The following CWC27 variants were observed in gnomAD, a reference collection of about 807,000 sequenced individuals.
CWC27 encodes spliceosome-associated protein CWC27 homolog.
In CWC27, 47 loss-of-function variants were observed where a neutral mutation model predicts 63.6. The observed-to-expected ratio is 0.74, with a 90% CI of 0.58 to 0.94. CWC27 has a LOEUF of 0.94. Among genes scored for constraint, CWC27 ranks in the 40% least tolerant of loss-of-function variants. The probability of loss-of-function intolerance (pLI) is 0.00; values close to 1 mark genes in which losing one functional copy is unlikely to be tolerated. For missense variants in CWC27, 495 were observed against 554.3 expected, an observed-to-expected ratio of 0.89 and a Z score of 1.07; for synonymous variants, 175 against 179.8, an observed-to-expected ratio of 0.97 and a Z score of 0.22.
intron 13 of CWC27, among the ~76,000 whole-genome samples, chr5:64,998,366 G>T (rs191829765): frequency 8.5e-5 from 13 of 152,176 alleles, no homozygotes; most frequent in African/African-American, 2.6e-4. Flanking sequence ...GCAGGTGTAA[G>T]AATGCATATT....
At chr5:64,816,885 G>A (rs1452258654) in intron 10 of CWC27, among the ~76,000 whole-genome samples, 2 of 151,952 alleles carry the variant, frequency 1.3e-5, no homozygotes, top group African/African-American at 4.8e-5. Flanking sequence ...ATATCACTTT[G>A]CAACACCCAG....
At chr5:64,918,409 G>A (rs1437780934) in intron 11 of CWC27, among the ~76,000 whole-genome samples, 1 of 152,146 alleles carries the variant, frequency 6.6e-6, no homozygotes, top group African/African-American at 2.4e-5. Context: ...ATTGCTGAGA[G>A]TAGGTTTTAA....
chr5:64,878,883 A>C (rs1455098442), intron 10 of CWC27, among the ~76,000 whole-genome samples: 10 of 151,950 alleles, frequency 6.6e-5, no homozygotes, highest in Admixed American at 4.6e-4. Context: ...AGAGAGACTT[A>C]ATTACTTAAG....
chr5:64,920,664 T>C (rs1443253663), intron 11 of CWC27, among the ~76,000 whole-genome samples: 1 of 152,208 alleles, frequency 6.6e-6, no homozygotes, highest in African/African-American at 2.4e-5. Flanking sequence ...CTTTTAGTTT[T>C]TTCCTGATCA....
chr5:64,925,047 A>G (rs187218675), intron 11 of CWC27, among the ~76,000 whole-genome samples: 3 of 152,278 alleles, frequency 2.0e-5, no homozygotes, highest in African/African-American at 7.2e-5. Flanking sequence ...GTCATCTAAT[A>G]TGAGTTAAAG....
chr5:64,783,396 G>A (rs1029577333), intron 3 of CWC27, among the ~76,000 whole-genome samples: 7 of 152,122 alleles, frequency 4.6e-5, no homozygotes, highest in African/African-American at 1.7e-4. Context: ...TAGATTATTT[G>A]AATTAAAAAA....
chr5:64,794,749 A>G (rs1744204010), intron 7 of CWC27, among the ~76,000 whole-genome samples: 1 of 152,148 alleles, frequency 6.6e-6, no homozygotes, highest in East Asian at 1.9e-4. Flanking sequence ...CTCCCTTCAT[A>G]TTGCTTTCTT....
intron 11 of CWC27, among the ~76,000 whole-genome samples, chr5:64,898,395 G>A (rs922020827): frequency 3.3e-5 from 5 of 152,120 alleles, no homozygotes; most frequent in African/African-American, 1.2e-4. Context: ...GCAGAAATCA[G>A]TAAAATAGAA....
At position 64,851,136 on chromosome 5, in the gene CWC27, G is replaced by T. The variant is rs79019910; in HGVS notation, c.939-34307G>T. On this transcript the variant is annotated intron_variant, in intron 10 of 13. Coordinates refer to ENST00000381070, the MANE Select transcript of CWC27 (RefSeq NM_005869.4). ...GCACTATTCACAGTCGCCAAGTTAC[G>T]GACTCAACTTAAGTGTCCATAAACA... Among the ~76,000 whole-genome samples the T allele has an allele frequency of 2.0e-5, 3 of 152,082 alleles. No homozygotes were observed. In the East Asian group the frequency reaches 5.8e-4, roughly 29 times the overall value.
In CWC27 at chr5:64,779,058, C is replaced by A. The variant is rs1053911574; in HGVS notation, c.140-2863C>A. Among the ~76,000 whole-genome samples the A allele has an allele frequency of 2.0e-5, 3 of 152,132 alleles. No individual in the cohort carries two copies. The South Asian group carries it at 6.2e-4, about 31-fold the overall frequency. ...GGAACTTTATAAATTATGTCAGTAA[C>A]TGTATCAGTAAAATGCCTGGCCCAC... is the stretch of plus-strand genomic sequence containing the variant. On this transcript the variant is annotated intron_variant, in intron 2 of 13. Transcript: ENST00000381070.
intron 13 of CWC27, among the ~76,000 whole-genome samples, chr5:64,995,873 T>C (rs1561183420): frequency 6.6e-6 from 1 of 152,294 alleles, no homozygotes; most frequent in East Asian, 1.9e-4. Context: ...TTACCACACC[T>C]GGAAAAAGCT....
intron 13 of CWC27, among the ~76,000 whole-genome samples, chr5:65,002,170 C>T (rs1164408505): frequency 6.6e-6 from 1 of 151,954 alleles, no homozygotes; most frequent in Non-Finnish European, 1.5e-5. Flanking sequence ...CTCCTTCTTT[C>T]TCATTTTATT....
chr5:64,999,034 TGAA>T (rs1275559317), intron 13 of CWC27, among the ~76,000 whole-genome samples: 1 of 151,998 alleles, frequency 6.6e-6, no homozygotes, highest in Non-Finnish European at 1.5e-5. Flanking sequence ...CTGCTAAACA[TGAA>T]GAGTTCCAGT....
At chr5:64,848,488 G>A (rs186937727) in intron 10 of CWC27, among the ~76,000 whole-genome samples, 2 of 152,230 alleles carry the variant, frequency 1.3e-5, no homozygotes, top group East Asian at 3.9e-4. Context: ...CCCTTTTTAT[G>A]AGTCCAGCAT....
intron 10 of CWC27, among the ~76,000 whole-genome samples, chr5:64,825,375 A>G (rs1163255806): frequency 6.6e-6 from 1 of 152,182 alleles, no homozygotes; most frequent in Non-Finnish European, 1.5e-5. Flanking sequence ...TGTGAAAGTT[A>G]TATCTGGAAC....
At chr5:64,905,200 C>CA (rs71608574) in intron 11 of CWC27, among the ~76,000 whole-genome samples, 2,614 of 53,762 alleles carry the variant, frequency 0.049, 76 homozygotes, top group Non-Finnish European at 0.055. Context: ...CACTACATCT[C>CA]AAAAAAAAAA....
At chr5:64,961,139 G>T (rs187877858) in intron 11 of CWC27, among the ~76,000 whole-genome samples, 1 of 152,270 alleles carries the variant, frequency 6.6e-6, no homozygotes, top group East Asian at 1.9e-4. Flanking sequence ...AAGGATAAGG[G>T]ACATACTTTA....
chr5:64,982,966 A>T (rs906303605), intron 13 of CWC27, among the ~76,000 whole-genome samples: 2 of 152,148 alleles, frequency 1.3e-5, no homozygotes, highest in Non-Finnish European at 2.9e-5. Flanking sequence ...TGTGAACTAC[A>T]CCTGCGAGGG....
rs1160135332 is a variant in CWC27 at position 64,788,983 on chromosome 5, C to G, written c.632C>G (p.Ala211Gly). 6.3e-7 allele frequency: 1 copy of G among 1,599,522 alleles called. No individual in the cohort carries two copies. Among genetic ancestry groups the G allele is most frequent in the Admixed American group, 1.7e-5 (1 of 58,648 alleles). Residue 211 changes from alanine to glycine, a missense_variant, in exon 7 of 14, where the codon GCT becomes GGT. Around this residue, in one of 3 missense-constraint regions of CWC27, gnomAD observed 463 missense variants for 498.1 expected, o/e 0.93. Coordinates refer to ENST00000381070, the MANE Select transcript of CWC27 (RefSeq NM_005869.4). ...AGTTTACTTTCATTTGGAGAGGAAG[C>G]TGAGGAAGAAGAGGAGGAAGTAAAT... ...NFSLLSFGEEAEEEEEEVNRV... is the reference protein window; with the variant it reads ...NFSLLSFGEEGEEEEEEVNRV...
Sources: allele counts gnomAD v4.1 joint callset (sites outside exome capture counted in the v4.1 genomes callset), GRCh38; gene constraint gnomAD v4.1.1; regional missense constraint gnomAD v4.1.1; transcripts MANE v1.5; gene names NCBI Gene and HGNC (gene_info 2026-07-23, HGNC 2026-07-21).